TCF4: variants seen among roughly 807,000 people sequenced by gnomAD.
TCF4 encodes transcription factor 4.
Under a neutral mutation model 82.1 loss-of-function variants are expected in TCF4, and 3 were observed. The observed-to-expected ratio is 0.04, with a 90% confidence interval of 0.02 to 0.09. The LOEUF is 0.09. Among genes scored for constraint, TCF4 ranks in the 10% least tolerant of loss-of-function variants. The pLI is 1.00. For synonymous variants in TCF4, 276 were observed against 309.6 expected, an observed-to-expected ratio of 0.89 and a Z score of 1.14; for missense variants, 518 against 852.7, an observed-to-expected ratio of 0.61 and a Z score of 4.89.
At chr18:55,499,514 G>A (rs944985125) in intron 3 of TCF4, among the ~76,000 whole-genome samples, 14 of 152,198 alleles carry the variant, frequency 9.2e-5, no homozygotes, top group African/African-American at 2.4e-4. Flanking sequence ...AGCTCCATCT[G>A]TTTATGTAGG....
chr18:55,448,008 G>A (rs187686753), intron 5 of TCF4, among the ~76,000 whole-genome samples: 5 of 130,992 alleles, frequency 3.8e-5, no homozygotes, highest in African/African-American at 5.6e-5. Flanking sequence ...GATGATATGG[G>A]GGGGGAGGTG....
intron 8 of TCF4, among the ~76,000 whole-genome samples, chr18:55,285,743 G>C (rs1034465642): frequency 1.3e-5 from 2 of 152,178 alleles, no homozygotes; most frequent in African/African-American, 4.8e-5. Flanking sequence ...CTCGCCGTCA[G>C]GACAGCTATC....
intron 5 of TCF4, among the ~76,000 whole-genome samples, chr18:55,443,804 G>A (rs562721961): frequency 2.5e-4 from 38 of 152,258 alleles, no homozygotes; most frequent in East Asian, 1.2e-3. Flanking sequence ...CAAAAATAGC[G>A]CCATTAACTC....
chr18:55,324,254 T>C (rs1192996390), intron 8 of TCF4, among the ~76,000 whole-genome samples: 1 of 152,208 alleles, frequency 6.6e-6, no homozygotes, highest in African/African-American at 2.4e-5. Context: ...TATAATGCTT[T>C]GAAAGGTGAT....
At chr18:55,563,679 G>C (rs1429375334) in intron 3 of TCF4, among the ~76,000 whole-genome samples, 1 of 152,234 alleles carries the variant, frequency 6.6e-6, no homozygotes, top group Non-Finnish European at 1.5e-5. Context: ...CCTCTTCAGT[G>C]ACTCGGGGAT....
intron 6 of TCF4, among the ~76,000 whole-genome samples, chr18:55,397,506 G>A (rs554283315): frequency 1.2e-4 from 18 of 152,144 alleles, no homozygotes; most frequent in African/African-American, 2.9e-4. Flanking sequence ...GCAACATAGC[G>A]ATACCCCATC....
chr18:55,507,616 T>G (rs148247808), intron 3 of TCF4, among the ~76,000 whole-genome samples: 93 of 152,246 alleles, frequency 6.1e-4, no homozygotes, highest in African/African-American at 2.0e-3. Flanking sequence ...CATATTTTGA[T>G]GCAGTTTAGT....
intron 8 of TCF4, among the ~76,000 whole-genome samples, chr18:55,289,985 A>G (rs1459539632): frequency 6.6e-6 from 1 of 152,226 alleles, no homozygotes; most frequent in Non-Finnish European, 1.5e-5. Flanking sequence ...GCATGCATGA[A>G]TGAATAAACA....
At position 55,226,666 on chromosome 18, in the gene TCF4, A is replaced by C. The variant is rs1256324661; in HGVS notation, c.*1369T>G. The C allele has an allele frequency of 6.6e-6, 1 of 152,462 alleles. No individual in the cohort carries two copies. Among genetic ancestry groups the C allele is most frequent in the Non-Finnish European group, 1.5e-5 (1 of 67,992 alleles). The allele number at this position is 152,462 out of a possible 1,614,324, so 9.4% of individuals were successfully genotyped here. On this transcript the variant is annotated 3_prime_UTR_variant, in exon 20 of 20. Coordinates refer to ENST00000354452, the MANE Select transcript of TCF4 (RefSeq NM_001083962.2). ...TTTCAGACGAAGGAGGAGGCAGTTA[A>C]GTCATCTACATTTTAGTAAACCCAT... is the stretch of plus-strand genomic sequence containing the variant.
intron 8 of TCF4, among the ~76,000 whole-genome samples, chr18:55,306,133 T>C (rs2147094592): frequency 6.6e-6 from 1 of 152,272 alleles, no homozygotes; most frequent in Middle Eastern, 3.4e-3. Flanking sequence ...GGGAAGTGAA[T>C]TATTAATTAT....
At chr18:55,346,858 A>AG (rs1344400418) in intron 8 of TCF4, among the ~76,000 whole-genome samples, 5 of 152,320 alleles carry the variant, frequency 3.3e-5, no homozygotes, top group African/African-American at 9.6e-5. Context: ...AGCACAATAT[A>AG]AAATTTTTTG....
At chr18:55,249,324 C>G (rs971421720) in intron 15 of TCF4, among the ~76,000 whole-genome samples, 2 of 152,110 alleles carry the variant, frequency 1.3e-5, no homozygotes, top group Non-Finnish European at 2.9e-5. Flanking sequence ...TGCATTTAAT[C>G]CAAAGTAAAA....
chr18:55,585,737 G>C, intron 2 of TCF4: 2 of 1,086,010 alleles, frequency 1.8e-6, no homozygotes, highest in Non-Finnish European at 2.3e-6. Flanking sequence ...GGCCATAAAC[G>C]TGGCAATGTC....
At chr18:55,315,804 T>C (rs1195941669) in intron 8 of TCF4, among the ~76,000 whole-genome samples, 1 of 152,142 alleles carries the variant, frequency 6.6e-6, no homozygotes, top group Non-Finnish European at 1.5e-5. Context: ...AAGGAGACAA[T>C]TTTATACAAG....
intron 3 of TCF4, among the ~76,000 whole-genome samples, chr18:55,503,485 G>A (rs537025269): frequency 6.6e-6 from 1 of 152,258 alleles, no homozygotes; most frequent in South Asian, 2.1e-4. Context: ...CCTCCTCATA[G>A]AATAGATGAA....
At chr18:55,545,542 G>A (rs762830749) in intron 3 of TCF4, among the ~76,000 whole-genome samples, 5 of 151,946 alleles carry the variant, frequency 3.3e-5, no homozygotes, top group African/African-American at 7.3e-5. Context: ...TCTGCCTCCC[G>A]GGTTCAAGCA....
At chr18:55,554,893 TAGC>T (rs1180152209) in intron 3 of TCF4, among the ~76,000 whole-genome samples, 3 of 152,176 alleles carry the variant, frequency 2.0e-5, no homozygotes, top group Non-Finnish European at 4.4e-5. Flanking sequence ...ATAGAACAAA[TAGC>T]AGATGCTGCC....
intron 1 of TCF4, chr18:55,631,521 A>AGTG: frequency 2.5e-6 from 2 of 802,064 alleles, no homozygotes; most frequent in Non-Finnish European, 1.9e-6. Context: ...GATGAAGACA[A>AGTG]GTGCACAGAA....
At chr18:55,606,611 T>A (rs2097702434) in intron 2 of TCF4, among the ~76,000 whole-genome samples, 1 of 152,210 alleles carries the variant, frequency 6.6e-6, no homozygotes, top group Non-Finnish European at 1.5e-5. Flanking sequence ...AGGTAGAAAT[T>A]TCATTTCAAA....
Sources: allele counts gnomAD v4.1 joint callset (sites outside exome capture counted in the v4.1 genomes callset), GRCh38; gene constraint gnomAD v4.1.1; transcripts MANE v1.5; gene names NCBI Gene and HGNC (gene_info 2026-07-23, HGNC 2026-07-21).